Variants in CDC25B observed in about 807,000 individuals in gnomAD.
The protein encoded by CDC25B is M-phase inducer phosphatase 2.
In CDC25B, 33 loss-of-function variants were observed where a neutral mutation model predicts 69.8. The ratio of observed to expected loss-of-function variants is 0.47; its 90% confidence interval spans 0.36 to 0.63. The LOEUF (loss-of-function observed/expected upper bound fraction) is 0.63, where lower values mean the gene tolerates loss of function less well. CDC25B is among the 30% of genes least tolerant of loss of function. The pLI is 0.00. For synonymous variants in CDC25B, 341 were observed against 314.6 expected (o/e 1.08, Z -0.89); for missense variants, 727 against 809.1 (o/e 0.90, Z 1.23).
Position 3,803,399 on chromosome 20 carries a change from GAC to G in CDC25B, c.1357-3_1357-2del. The G allele has an allele frequency of 6.2e-7, 1 of 1,614,088 alleles. No homozygotes were observed. The stretch of plus-strand genomic sequence containing the variant: ...GCTGTGCCTGACCTCTGGCTCCTCT[GAC>G]AGACTGCGGTGAACTTGCCCCTGGA... On this transcript the variant is annotated splice_polypyrimidine_tract_variant and splice_region_variant and intron_variant, in intron 13 of 15. Coordinates refer to ENST00000245960, the MANE Select transcript of CDC25B (RefSeq NM_021873.4). This position sits in a 1 kb window ranked among gnomAD's most constrained non-coding sequence, Gnocchi z 4.9.
chr20:3,789,015 G>A (rs931239414), intron 1 of CDC25B, among the ~76,000 whole-genome samples: 7 of 152,070 alleles, frequency 4.6e-5, no homozygotes, highest in African/African-American at 1.4e-4. Context: ...CAGATACCTC[G>A]TCTACCCTTT....
chr20:3,795,630 T>C, upstream of CDC25B: 1 of 825,776 alleles, frequency 1.2e-6, no homozygotes, highest in Non-Finnish European at 1.5e-6. Flanking sequence ...ATTGGGCCGG[T>C]TGGGGTAACA....
rs761766290 is a variant in CDC25B at position 3,800,943 on chromosome 20, G to A, written c.583-28G>A. ...GCTGGGGTGGTTCCCTGGCATGTGA[G>A]GACCCTCCTCTCCCATCTTGGCTGC... On this transcript the variant is annotated intron_variant, in intron 6 of 15. Transcript: ENST00000245960. The A allele has an allele frequency of 8.7e-6, 14 of 1,613,274 alleles. No individual in the cohort carries two copies. The Admixed American group carries it at 2.0e-4, about 23-fold the overall frequency.
At chr20:3,795,615 C>T (rs566344972), upstream of CDC25B, 4 of 701,912 alleles carry the variant, frequency 5.7e-6, no homozygotes, top group South Asian at 2.5e-4. Context: ...GGGGCTGCCG[C>T]GAAAATTGGG....
upstream of CDC25B, chr20:3,796,172 A>G: frequency 8.7e-7 from 1 of 1,146,224 alleles, no homozygotes; most frequent in Non-Finnish European, 1.1e-6. Context: ...CTGGAAATCC[A>G]GCCTCCGCGC....
chr20:3,799,527 C>CT (rs2089196224), intron 3 of CDC25B, among the ~76,000 whole-genome samples: 3 of 32,972 alleles, frequency 9.1e-5, no homozygotes, highest in Non-Finnish European at 2.2e-4. Context: ...TGTGTGTGTG[C>CT]GCGCGCGCGC....
chr20:3,795,746 TG>T (rs1430589298), upstream of CDC25B: 17 of 985,402 alleles, frequency 1.7e-5, no homozygotes, highest in Non-Finnish European at 1.7e-5. Flanking sequence ...GTTTTGCTGC[TG>T]CTCAGCGCAG....
chr20:3,787,153 A>G (rs1204163651), intron 1 of CDC25B: 3 of 660,910 alleles, frequency 4.5e-6, no homozygotes, highest in African/African-American at 3.7e-5. Context: ...ACATTTTGAT[A>G]CATTTCCTTC....
intron 14 of CDC25B, 34 bp from the exon 15 acceptor site, chr20:3,804,535 C>T: frequency 7.2e-7 from 1 of 1,384,378 alleles, no homozygotes; most frequent in Non-Finnish European, 1.0e-6. Flanking sequence ...ACTGCATGCC[C>T]CACTCTGACC....
At chr20:3,804,450 C>G in intron 14 of CDC25B, 119 bp from the exon 15 acceptor site, 1 of 692,050 alleles carries the variant, frequency 1.4e-6, no homozygotes, top group East Asian at 2.5e-5. Context: ...CATTCCTGTG[C>G]TCTAAAGCTT....
At chr20:3,795,229 C>T (rs1281113301), upstream of CDC25B, among the ~76,000 whole-genome samples, 1 of 152,020 alleles carries the variant, frequency 6.6e-6, no homozygotes, top group Non-Finnish European at 1.5e-5. Context: ...GGCGTGGTGG[C>T]GCGCTCCTGT....
intron 3 of CDC25B, 112 bp from the exon 4 acceptor site, chr20:3,800,176 A>T: frequency 1.5e-6 from 1 of 649,730 alleles, no homozygotes; most frequent in Non-Finnish European, 2.4e-6. Flanking sequence ...CACTGCCTTG[A>T]GCCTTGGCCC....
At chr20:3,795,896 G>T, upstream of CDC25B, 1 of 985,728 alleles carries the variant, frequency 1.0e-6, no homozygotes, top group Non-Finnish European at 1.2e-6. Flanking sequence ...AAAATGGGGT[G>T]TCTAACGCAG....
At position 3,798,139 on chromosome 20, in the gene CDC25B, C is replaced by G. The variant is rs551751273; in HGVS notation, c.329-273C>G. Among the ~76,000 whole-genome samples, 51 of 152,212 alleles carry G rather than the reference C, an allele frequency of 3.4e-4. No individual in the cohort carries two copies. In the Middle Eastern group the frequency reaches 0.01, roughly 30 times the overall value. On this transcript the variant is annotated intron_variant, in intron 2 of 15. Transcript: ENST00000245960. ...CTCTTCTAGAACAAATTATTTTAAACCAGTTCAAGAAAAATGCTTAGTGAG... is the reference window on the plus strand; with the variant it reads ...CTCTTCTAGAACAAATTATTTTAAAGCAGTTCAAGAAAAATGCTTAGTGAG...
intron 8 of CDC25B, 69 bp from the exon 9 acceptor site, chr20:3,801,653 A>C (rs1341005432): frequency 7.6e-7 from 1 of 1,308,746 alleles, no homozygotes; most frequent in Non-Finnish European, 1.1e-6. Context: ...GTGCTGGAGG[A>C]TTCCGGGACT....
At chr20:3,797,935 C>T (rs528450696) in intron 2 of CDC25B, among the ~76,000 whole-genome samples, 186 bp downstream of exon 2, 1 of 152,262 alleles carries the variant, frequency 6.6e-6, no homozygotes, top group East Asian at 1.9e-4. Context: ...CTCACCACAC[C>T]CAACGCGGAC....
intron 5 of CDC25B, 85 bp from the exon 6 acceptor site, chr20:3,800,658 G>T (rs1314591420): frequency 1.9e-6 from 3 of 1,594,834 alleles, no homozygotes; most frequent in South Asian, 2.2e-5. Context: ...GGAGCTGGAG[G>T]AGAGGTGGAG....
chr20:3,794,151 C>G (rs544376630), upstream of CDC25B, among the ~76,000 whole-genome samples: 1 of 150,662 alleles, frequency 6.6e-6, no homozygotes, highest in African/African-American at 2.5e-5. Context: ...ATTTCTAGTT[C>G]TAGATCCCTG....
At chr20:3,789,376 AT>A (rs558244603) in intron 1 of CDC25B, among the ~76,000 whole-genome samples, 1,566 of 149,420 alleles carry the variant, frequency 0.01, 13 homozygotes, top group Non-Finnish European at 0.017. Flanking sequence ...CTAATTTTTA[AT>A]TTTTTTTTTT....
Sources: gnomAD v4.1 joint callset for allele counts (sites outside exome capture counted in the v4.1 genomes callset) on GRCh38, gnomAD v4.1.1 for gene constraint, Gnocchi (gnomAD v3.1) non-coding constraint, MANE v1.5 for transcripts, NCBI Gene and HGNC (gene_info 2026-07-23, HGNC 2026-07-21) for gene names.